Variants in SH3BGR observed in about 807,000 individuals in gnomAD.
SH3BGR encodes the protein SH3 domain-binding glutamic acid-rich protein.
Under a neutral mutation model 24.5 loss-of-function variants are expected in SH3BGR, and 29 were observed. The observed-to-expected ratio is 1.18, with a 90% CI of 0.88 to 1.61. SH3BGR has a LOEUF of 1.61. SH3BGR is among the 40% of genes most tolerant of loss of function. The pLI is 0.00. For missense variants in SH3BGR, 162 were observed against 205.8 expected, an observed-to-expected ratio of 0.79 and a Z score of 1.30; for synonymous variants, 55 against 65.7, an observed-to-expected ratio of 0.84 and a Z score of 0.79.
At chr21:39,472,890 A>G (rs949849690) in intron 2 of SH3BGR, among the ~76,000 whole-genome samples, 4 of 141,386 alleles carry the variant, frequency 2.8e-5, no homozygotes, top group African/African-American at 7.9e-5. Context: ...TAAAGGTGTC[A>G]TGTGTGTGTC....
At chr21:39,454,918 TTCTTCAGTTCCCACCA>T in intron 1 of SH3BGR, among the ~76,000 whole-genome samples, 1 of 152,344 alleles carries the variant, frequency 6.6e-6, no homozygotes, top group Non-Finnish European at 1.5e-5. Context: ...ATGCATCATC[TTCTTCAGTTCCCACCA>T]AAACACTGTG....
At chr21:39,465,379 G>A (rs961714398) in intron 2 of SH3BGR, among the ~76,000 whole-genome samples, 7 of 152,192 alleles carry the variant, frequency 4.6e-5, no homozygotes, top group African/African-American at 1.4e-4. Context: ...AGGGCCTCAT[G>A]TTTTCATCTT....
chr21:39,502,402 C>T (rs2078509794), intron 4 of SH3BGR, among the ~76,000 whole-genome samples: 1 of 152,188 alleles, frequency 6.6e-6, no homozygotes, highest in South Asian at 2.1e-4. Context: ...TTGAAACCAT[C>T]TTGAGGCTAT....
intron 3 of SH3BGR, among the ~76,000 whole-genome samples, chr21:39,488,035 T>C (rs1869806110): frequency 6.6e-6 from 1 of 152,190 alleles, no homozygotes; most frequent in African/African-American, 2.4e-5. Context: ...GATGGGTCCT[T>C]ACTGCAGGAA....
chr21:39,511,826 G>A lies in SH3BGR; in HGVS notation c.*34+17G>A, dbSNP rs1353252306. 5 of 1,590,140 alleles carry A rather than the reference G, an allele frequency of 3.1e-6. No homozygotes were observed. The highest frequency in any genetic ancestry group is 4.3e-6 in the Non-Finnish European group (5 of 1,171,514). On this transcript the variant is annotated intron_variant, in intron 6 of 6. Transcript: ENST00000333634. This position sits in a 1 kb window ranked among gnomAD's most constrained non-coding sequence, Gnocchi z 4.2. ...CTTCTCCAGGTAGCTACAGGATTCT[G>A]GGGTGGAAAAGCTGCTAGTTACCGT...
intron 3 of SH3BGR, among the ~76,000 whole-genome samples, chr21:39,494,160 C>T (rs2009713): frequency 0.44 from 66,861 of 151,642 alleles, 16,642 homozygotes; most frequent in East Asian, 0.68. Context: ...TTATGCTATA[C>T]GATCATGTGT....
At chr21:39,475,062 A>C in intron 2 of SH3BGR, 73 bp from the exon 3 acceptor site, 1 of 934,064 alleles carries the variant, frequency 1.1e-6, no homozygotes, top group South Asian at 1.5e-5. Context: ...AGAAATACAA[A>C]AGATCAGTTT....
upstream of SH3BGR, among the ~76,000 whole-genome samples, chr21:39,447,416 C>CTTTTTT (rs910615975): frequency 2.1e-4 from 24 of 114,700 alleles, no homozygotes; most frequent in Admixed American, 2.9e-4. Flanking sequence ...TTCGCTTTTG[C>CTTTTTT]TTTTTTTTTT....
At chr21:39,499,667 T>TG (rs1345617341) in intron 3 of SH3BGR, among the ~76,000 whole-genome samples, 156 bp from the exon 4 acceptor site, 1 of 152,214 alleles carries the variant, frequency 6.6e-6, no homozygotes, top group Non-Finnish European at 1.5e-5. Flanking sequence ...GGAGATCCTA[T>TG]GCTCTAGTCG....
intron 3 of SH3BGR, among the ~76,000 whole-genome samples, chr21:39,497,746 A>G (rs368536948): frequency 6.8e-4 from 104 of 152,280 alleles, no homozygotes; most frequent in African/African-American, 2.5e-3. Flanking sequence ...CTTATTTCCA[A>G]TAATGATAAA....
At chr21:39,462,590 C>CTG (rs746156386) in intron 2 of SH3BGR, 30 bp downstream of exon 2, 10 of 1,452,256 alleles carry the variant, frequency 6.9e-6, no homozygotes, top group Non-Finnish European at 9.2e-6. Flanking sequence ...AAAAATCCTG[C>CTG]TGTGTGTGTG....
At chr21:39,495,665 T>G (rs1322736628) in intron 3 of SH3BGR, among the ~76,000 whole-genome samples, 1 of 152,094 alleles carries the variant, frequency 6.6e-6, no homozygotes, top group East Asian at 1.9e-4. Flanking sequence ...TTTTTTTTTG[T>G]AGAGGAAGGA....
intron 3 of SH3BGR, chr21:39,491,613 C>A: frequency 4.3e-6 from 1 of 232,408 alleles, no homozygotes; most frequent in Non-Finnish European, 8.9e-6. Flanking sequence ...GTGTTCGGTC[C>A]TTGCAAGCTT....
intron 1 of SH3BGR, among the ~76,000 whole-genome samples, chr21:39,459,503 A>C (rs112111024): frequency 1.3e-5 from 2 of 149,518 alleles, no homozygotes; most frequent in African/African-American, 4.9e-5. Flanking sequence ...GATTACAGGC[A>C]TGCACCGCCA....
At chr21:39,461,361 T>G (rs762140454) in intron 1 of SH3BGR, among the ~76,000 whole-genome samples, 1 of 152,144 alleles carries the variant, frequency 6.6e-6, no homozygotes, top group Non-Finnish European at 1.5e-5. Flanking sequence ...GGTCTTGAAC[T>G]CCTGACCTCA....
At chr21:39,478,860 C>A (rs960360649) in intron 3 of SH3BGR, among the ~76,000 whole-genome samples, 1 of 151,872 alleles carries the variant, frequency 6.6e-6, no homozygotes, top group East Asian at 1.9e-4. Context: ...CTGCATGTTC[C>A]CTTATTAAAT....
chr21:39,487,757 A>G (rs2078234287), intron 3 of SH3BGR, among the ~76,000 whole-genome samples: 1 of 152,200 alleles, frequency 6.6e-6, no homozygotes, highest in South Asian at 2.1e-4. Context: ...AAAAGTTTTG[A>G]GATTCATTTT....
At chr21:39,458,881 A>C (rs1267875184) in intron 1 of SH3BGR, among the ~76,000 whole-genome samples, 1 of 152,116 alleles carries the variant, frequency 6.6e-6, no homozygotes, top group Non-Finnish European at 1.5e-5. Context: ...TCCTGGCCTC[A>C]GATGATCTGC....
intron 3 of SH3BGR, among the ~76,000 whole-genome samples, chr21:39,490,070 T>G: frequency 6.6e-6 from 1 of 152,224 alleles, no homozygotes; most frequent in South Asian, 2.1e-4. Context: ...AGGTGAACTA[T>G]CTTGATGGGA....
Sources: allele counts gnomAD v4.1 joint callset (sites outside exome capture counted in the v4.1 genomes callset), GRCh38; gene constraint gnomAD v4.1.1; non-coding constraint Gnocchi (gnomAD v3.1); transcripts MANE v1.5; gene names NCBI Gene and HGNC (gene_info 2026-07-23, HGNC 2026-07-21).